Variants in MGA observed in about 807,000 individuals in gnomAD.
The protein encoded by MGA is MAX gene-associated protein.
Under a neutral mutation model 261.1 loss-of-function variants are expected in MGA, and 40 were observed. The ratio of observed to expected loss-of-function variants is 0.15; its 90% CI spans 0.12 to 0.20. The LOEUF is 0.20. Among genes scored for constraint, MGA ranks in the 10% least tolerant of loss-of-function variants. The pLI, the probability that MGA is intolerant of heterozygous loss-of-function variation, is 1.00. For missense variants in MGA, 3,397 were observed against 3,630.5 expected (o/e 0.94, Z 1.65); for synonymous variants, 1,302 against 1,290.6 (o/e 1.01, Z -0.19).
intron 9 of MGA, 53 bp downstream of exon 9, chr15:41,713,549 T>G (rs1389972270): frequency 1.4e-6 from 2 of 1,466,976 alleles, no homozygotes; most frequent in East Asian, 4.9e-5. Context: ...TGGAAAAGTA[T>G]GGTTATTTTA....
intron 2 of MGA, among the ~76,000 whole-genome samples, chr15:41,686,406 C>T (rs1224853146): frequency 6.6e-6 from 1 of 152,130 alleles, no homozygotes; most frequent in Non-Finnish European, 1.5e-5. Flanking sequence ...TGGCACACAC[C>T]TGTAGGCCCA....
chr15:41,704,312 G>A (rs1226913528), intron 5 of MGA, among the ~76,000 whole-genome samples: 1 of 151,700 alleles, frequency 6.6e-6, no homozygotes, highest in Non-Finnish European at 1.5e-5. Context: ...AATTACAAGT[G>A]TGAGCCATGG....
intron 5 of MGA, among the ~76,000 whole-genome samples, chr15:41,700,041 G>GTTTTTTTTT (rs763919635): frequency 3.0e-5 from 3 of 101,564 alleles, no homozygotes; most frequent in African/African-American, 4.0e-5. Context: ...TGTCATCGAG[G>GTTTTTTTTT]TTTTTTTTTT....
At chr15:41,728,836 A>G (rs765259596) in intron 10 of MGA, among the ~76,000 whole-genome samples, 1 of 152,230 alleles carries the variant, frequency 6.6e-6, no homozygotes, top group African/African-American at 2.4e-5. Flanking sequence ...CTTGCATTTT[A>G]TATGTTTTTA....
At chr15:41,646,807 C>T (rs1251127397) in intron 1 of MGA, among the ~76,000 whole-genome samples, 1 of 151,974 alleles carries the variant, frequency 6.6e-6, no homozygotes, top group Admixed American at 6.6e-5. Flanking sequence ...TTATGGGGAC[C>T]TGTATTGGTG....
At chr15:41,698,198 TC>T in intron 3 of MGA, among the ~76,000 whole-genome samples, 1 of 108,796 alleles carries the variant, frequency 9.2e-6, no homozygotes, top group Non-Finnish European at 1.8e-5. Context: ...TGAGACGGAA[TC>T]TTGCTCTGTC....
At chr15:41,628,121 A>G (rs2056499833) in intron 1 of MGA, among the ~76,000 whole-genome samples, 1 of 152,154 alleles carries the variant, frequency 6.6e-6, no homozygotes, top group African/African-American at 2.4e-5. Context: ...CTGTAATCCC[A>G]GCACTTTGGG....
intron 1 of MGA, among the ~76,000 whole-genome samples, chr15:41,665,696 G>T (rs1410113423): frequency 3.9e-5 from 6 of 151,908 alleles, no homozygotes; most frequent in Non-Finnish European, 4.4e-5. Context: ...TTTTTATTGA[G>T]ATATAATTCA....
chr15:41,715,219 G>A (rs1486943170), intron 9 of MGA, among the ~76,000 whole-genome samples: 31 of 146,678 alleles, frequency 2.1e-4, no homozygotes, highest in African/African-American at 7.3e-4. Flanking sequence ...GCACGATCTC[G>A]GCTCACTGCA....
At chr15:41,657,327 C>T (rs2057225946), upstream of MGA, among the ~76,000 whole-genome samples, 1 of 139,742 alleles carries the variant, frequency 7.2e-6, no homozygotes, top group African/African-American at 2.8e-5. Context: ...TTCAGGTTGG[C>T]TAGTGAAGGC....
intron 9 of MGA, among the ~76,000 whole-genome samples, chr15:41,717,944 A>G (rs184864221): frequency 5.7e-4 from 86 of 151,984 alleles, no homozygotes; most frequent in Middle Eastern, 3.4e-3. Context: ...TGAAAAATCA[A>G]TCAGTATACT....
At chr15:41,745,046 A>G (rs1369713475) in intron 15 of MGA, among the ~76,000 whole-genome samples, 1 of 151,918 alleles carries the variant, frequency 6.6e-6, no homozygotes, top group African/African-American at 2.4e-5. Context: ...GCAGTGGTGT[A>G]TATTATATTT....
rs763032391 is a variant in MGA, at chr15:41,669,374, A to G, written c.480A>G (p.Pro160=). 26 of 1,613,888 alleles carry G rather than the reference A, an allele frequency of 1.6e-5. No individual in the cohort carries two copies. Among genetic ancestry groups the G allele is most frequent in the Non-Finnish European group, 1.9e-5 (23 of 1,179,888 alleles). ...TTTTGGGGAGGGTTTTCATTCATCC[A>G]GAATCTCCTTCCACAGGTCATTATT... Residue 160 remains proline, a synonymous_variant, in exon 2 of 24, where the codon CCA becomes CCG. Coordinates refer to ENST00000219905, the MANE Select transcript of MGA (RefSeq NM_001164273.2).
At chr15:41,665,684 A>C (rs952143691) in intron 1 of MGA, among the ~76,000 whole-genome samples, 8 of 151,834 alleles carry the variant, frequency 5.3e-5, no homozygotes, top group African/African-American at 1.7e-4. Flanking sequence ...CTTTATTATA[A>C]CTTTTTATTG....
intron 1 of MGA, among the ~76,000 whole-genome samples, chr15:41,654,006 T>C (rs1287891815): frequency 1.3e-5 from 2 of 152,220 alleles, no homozygotes; most frequent in Admixed American, 1.3e-4. Context: ...TCCCCCACCC[T>C]GATTCCCAAA....
At chr15:41,731,346 GTATC>G (rs1446828129) in intron 11 of MGA, among the ~76,000 whole-genome samples, 4 of 151,916 alleles carry the variant, frequency 2.6e-5, no homozygotes, top group Non-Finnish European at 5.9e-5. Context: ...ATTTATCTAT[GTATC>G]TATGCAGAGA....
intron 1 of MGA, among the ~76,000 whole-genome samples, chr15:41,665,639 A>G (rs2057691362): frequency 6.6e-6 from 1 of 151,674 alleles, no homozygotes; most frequent in South Asian, 2.1e-4. Flanking sequence ...ACGTGCTGGC[A>G]TTATAGGCAT....
chr15:41,767,785 A>G lies in MGA; in HGVS notation c.*505A>G, dbSNP rs1044233832. 6.4e-6 allele frequency: 1 copy of G among 155,568 alleles called. No individual in the cohort carries two copies. The highest frequency in any genetic ancestry group is 3.2e-3 in the Middle Eastern group (1 of 316). The allele number at this position is 155,568 out of a possible 1,614,324, so 9.6% of individuals were successfully genotyped here. On this transcript the variant is annotated 3_prime_UTR_variant, in exon 24 of 24. Transcript: ENST00000219905. Reference sequence around the variant, plus strand: ...AATAGGGAGAGAGAGGATGGGTACCATGGAATACCAAAGTGAAGGACTTTG... The same window carrying G: ...AATAGGGAGAGAGAGGATGGGTACCGTGGAATACCAAAGTGAAGGACTTTG...
chr15:41,711,102 T>A lies in MGA; in HGVS notation c.2837T>A (p.Ile946Asn). Residue 946 changes from isoleucine to asparagine, a missense_variant, in exon 8 of 24, where the codon ATC becomes AAC. Physicochemically the swap from Ile to Asn is moderately radical, Grantham distance 149. Around this residue, in one of 9 missense-constraint regions of MGA, gnomAD observed 519 missense variants for 554.1 expected, o/e 0.94. Transcript: ENST00000219905. ...GTTACCAAGAATTCTTCAGGCATCA[T>A]CTCAGAAAATCAGGCGAATAACTTT... 1.2e-6 allele frequency: 2 copies of A among 1,614,034 alleles called. No homozygotes were observed. Among genetic ancestry groups the A allele is most frequent in the South Asian group, 2.2e-5 (2 of 91,082 alleles).
Sources: allele counts gnomAD v4.1 joint callset (sites outside exome capture counted in the v4.1 genomes callset), GRCh38; gene constraint gnomAD v4.1.1; regional missense constraint gnomAD v4.1.1; transcripts MANE v1.5; gene names NCBI Gene and HGNC (gene_info 2026-07-23, HGNC 2026-07-21).